Variants in CDKAL1 observed in about 807,000 individuals in gnomAD.
The protein encoded by CDKAL1 is CDKAL1 threonylcarbamoyladenosine tRNA methylthiotransferase, also known as threonylcarbamoyladenosine tRNA methylthiotransferase.
Under a neutral mutation model 68.2 loss-of-function variants are expected in CDKAL1, and 32 were observed. The observed-to-expected ratio is 0.47, with a 90% confidence interval of 0.35 to 0.63. The LOEUF is 0.63. Ranked by LOEUF, CDKAL1 falls within the 30% of genes least tolerant of loss-of-function variation. The pLI is 0.00. For missense variants in CDKAL1, 606 were observed against 696.7 expected (o/e 0.87, Z 1.47); for synonymous variants, 234 against 244.3 (o/e 0.96, Z 0.39).
In CDKAL1 at chr6:20,795,368, T is replaced by C. The variant is rs138430289; in HGVS notation, c.638+14103T>C. On this transcript the variant is annotated intron_variant, in intron 8 of 15. Transcript: ENST00000274695. Reference sequence around the variant, plus strand: ...TCTGAGAGAATTAAGCCTAAACATATGTGATTGAATGTCCTAAGGCATTCA... The same window carrying C: ...TCTGAGAGAATTAAGCCTAAACATACGTGATTGAATGTCCTAAGGCATTCA... Among the ~76,000 whole-genome samples the C allele has an allele frequency of 2.6e-5, 4 of 152,252 alleles. No individual in the cohort carries two copies. In the East Asian group the frequency reaches 7.7e-4, roughly 29 times the overall value.
chr6:20,744,878 G>A (rs1289468397), intron 6 of CDKAL1, among the ~76,000 whole-genome samples: 1 of 152,166 alleles, frequency 6.6e-6, no homozygotes, highest in Non-Finnish European at 1.5e-5. Context: ...GTTGGTCTTG[G>A]TGTTAATTCA....
chr6:20,795,171 G>A (rs1160950155), intron 8 of CDKAL1, among the ~76,000 whole-genome samples: 1 of 151,910 alleles, frequency 6.6e-6, no homozygotes, highest in African/African-American at 2.4e-5. Flanking sequence ...ATTCCTATAG[G>A]TTTATATGTT....
intron 15 of CDKAL1, among the ~76,000 whole-genome samples, chr6:21,209,372 C>A (rs1057223391): frequency 6.6e-6 from 1 of 152,178 alleles, no homozygotes; most frequent in Admixed American, 6.5e-5. Flanking sequence ...ACCAGGCCCC[C>A]GAGCCTGAAT....
chr6:20,985,397 G>A (rs768817481), intron 10 of CDKAL1, among the ~76,000 whole-genome samples: 4 of 152,042 alleles, frequency 2.6e-5, no homozygotes, highest in Non-Finnish European at 5.9e-5. Context: ...AGATTCAAGC[G>A]GTTCCCCTGC....
chr6:21,061,232 G>A (rs201220908), intron 11 of CDKAL1, among the ~76,000 whole-genome samples: 4 of 152,042 alleles, frequency 2.6e-5, no homozygotes, highest in African/African-American at 4.8e-5. Flanking sequence ...TGCATAATTC[G>A]AACCTTTCTT....
At chr6:20,644,257 T>C (rs1447164591) in intron 4 of CDKAL1, among the ~76,000 whole-genome samples, 4 of 152,106 alleles carry the variant, frequency 2.6e-5, no homozygotes, top group Non-Finnish European at 5.9e-5. Flanking sequence ...GAGTACAGCC[T>C]GGCACGTAGT....
chr6:20,777,776 C>G (rs1241571181), intron 7 of CDKAL1, among the ~76,000 whole-genome samples: 1 of 152,104 alleles, frequency 6.6e-6, no homozygotes, highest in Non-Finnish European at 1.5e-5. Flanking sequence ...CTGTATGTAC[C>G]ATGTTTTTTC....
chr6:21,043,610 T>C (rs1770056117), intron 11 of CDKAL1, among the ~76,000 whole-genome samples: 1 of 152,278 alleles, frequency 6.6e-6, no homozygotes, highest in South Asian at 2.1e-4. Flanking sequence ...TTTATGGCTC[T>C]GAAAGTTATT....
chr6:20,770,562 A>G (rs555377170), intron 7 of CDKAL1, among the ~76,000 whole-genome samples: 15 of 152,318 alleles, frequency 9.8e-5, no homozygotes, highest in East Asian at 1.9e-4. Context: ...ACCATGCCCA[A>G]CACTGTCATT....
At chr6:20,691,287 G>A (rs559267960) in intron 5 of CDKAL1, among the ~76,000 whole-genome samples, 25 of 147,274 alleles carry the variant, frequency 1.7e-4, no homozygotes, top group Middle Eastern at 3.4e-3. Flanking sequence ...TCTCTGGGCC[G>A]GCAGACCCTG....
At chr6:21,220,880 T>C (rs752419826) in intron 15 of CDKAL1, among the ~76,000 whole-genome samples, 1 of 152,090 alleles carries the variant, frequency 6.6e-6, no homozygotes, top group Non-Finnish European at 1.5e-5. Flanking sequence ...TAAAATATAA[T>C]TGTGGGCCAG....
chr6:20,929,915 G>C (rs187143934), intron 9 of CDKAL1, among the ~76,000 whole-genome samples: 2 of 152,266 alleles, frequency 1.3e-5, no homozygotes, highest in East Asian at 3.9e-4. Context: ...GTCAGCACCT[G>C]ATGTATTATT....
At chr6:21,060,898 G>A (rs935817338) in intron 11 of CDKAL1, among the ~76,000 whole-genome samples, 1 of 152,068 alleles carries the variant, frequency 6.6e-6, no homozygotes, top group Non-Finnish European at 1.5e-5. Context: ...CTTTTGAGAT[G>A]ATTAGTATGT....
At chr6:21,051,588 C>G (rs967557996) in intron 11 of CDKAL1, among the ~76,000 whole-genome samples, 12 of 152,050 alleles carry the variant, frequency 7.9e-5, no homozygotes, top group Admixed American at 2.0e-4. Context: ...TGGCATTTTC[C>G]CCCTTTCTCA....
chr6:21,177,473 A>G (rs965390206), intron 13 of CDKAL1, among the ~76,000 whole-genome samples: 6 of 152,168 alleles, frequency 3.9e-5, no homozygotes, highest in African/African-American at 1.4e-4. Flanking sequence ...TAACTGCCTA[A>G]TTCTGTTTAG....
chr6:21,186,129 T>G (rs1243744412), intron 13 of CDKAL1, among the ~76,000 whole-genome samples: 1 of 152,112 alleles, frequency 6.6e-6, no homozygotes, highest in African/African-American at 2.4e-5. Flanking sequence ...TTTAATGAGA[T>G]GTATTGCCCA....
chr6:21,072,375 A>G (rs1771825993), intron 12 of CDKAL1, among the ~76,000 whole-genome samples: 1 of 152,142 alleles, frequency 6.6e-6, no homozygotes, highest in African/African-American at 2.4e-5. Context: ...TACAGATTGT[A>G]CATTTTATTC....
chr6:20,991,849 CT>C (rs1766825922), intron 10 of CDKAL1, among the ~76,000 whole-genome samples: 1 of 142,894 alleles, frequency 7.0e-6, no homozygotes. Context: ...GACCCTGTCT[CT>C]TTAAAAAAAA....
chr6:21,109,747 G>A (rs767598032), intron 13 of CDKAL1, among the ~76,000 whole-genome samples: 2 of 152,210 alleles, frequency 1.3e-5, no homozygotes, highest in Non-Finnish European at 2.9e-5. Flanking sequence ...TCTGAAGGTA[G>A]TGTTGCATTT....
Sources: allele counts gnomAD v4.1 joint callset (sites outside exome capture counted in the v4.1 genomes callset), GRCh38; gene constraint gnomAD v4.1.1; transcripts MANE v1.5; gene names NCBI Gene and HGNC (gene_info 2026-07-23, HGNC 2026-07-21).